Variants in LUZP2 observed in about 807,000 individuals in gnomAD.
The protein encoded by LUZP2 is leucine zipper protein 2.
Under a neutral mutation model 51.6 loss-of-function variants are expected in LUZP2, and 52 were observed. The ratio of observed to expected loss-of-function variants is 1.01; its 90% CI spans 0.81 to 1.27. LUZP2 has a LOEUF of 1.27. LUZP2 is among the 50% of genes most tolerant of loss of function. The probability of loss-of-function intolerance (pLI) is 0.00; values close to 1 mark genes in which losing one functional copy is unlikely to be tolerated. For missense variants in LUZP2, 436 were observed against 395.4 expected (o/e 1.10, Z -0.87); for synonymous variants, 154 against 137.3 (o/e 1.12, Z -0.85).
intron 5 of LUZP2, chr11:24,786,184 G>A (rs1849240148): frequency 2.1e-6 from 2 of 970,636 alleles, no homozygotes; most frequent in Non-Finnish European, 2.4e-6. Flanking sequence ...AAACCAAGAA[G>A]CATATTATAT....
At chr11:25,014,309 C>T (rs2133962960) in intron 9 of LUZP2, among the ~76,000 whole-genome samples, 1 of 152,240 alleles carries the variant, frequency 6.6e-6, no homozygotes, top group East Asian at 1.9e-4. Context: ...GTTCTAGATC[C>T]CTGAGGAATC....
intron 1 of LUZP2, among the ~76,000 whole-genome samples, chr11:24,685,069 T>G (rs1019692331): frequency 7.3e-5 from 11 of 151,594 alleles, no homozygotes; most frequent in African/African-American, 2.4e-4. Flanking sequence ...GTTTTCCATA[T>G]CTATCCAAGT....
At chr11:24,945,636 C>T (rs1854877913) in intron 7 of LUZP2, among the ~76,000 whole-genome samples, 1 of 151,758 alleles carries the variant, frequency 6.6e-6, no homozygotes, top group African/African-American at 2.4e-5. Flanking sequence ...CTATGAACAA[C>T]CTCTATCTAT....
At chr11:24,550,199 T>C (rs1015268113) in intron 1 of LUZP2, among the ~76,000 whole-genome samples, 1 of 152,082 alleles carries the variant, frequency 6.6e-6, no homozygotes, top group South Asian at 2.1e-4. Context: ...TTGCTATAAA[T>C]GTCAGTGTGT....
chr11:24,654,683 C>G (rs898348235), intron 1 of LUZP2, among the ~76,000 whole-genome samples: 18 of 139,876 alleles, frequency 1.3e-4, no homozygotes, highest in Middle Eastern at 4.2e-3. Flanking sequence ...CACCACGAGG[C>G]CTGGCTAATT....
At chr11:24,631,467 T>A (rs563898311) in intron 1 of LUZP2, among the ~76,000 whole-genome samples, 1 of 151,890 alleles carries the variant, frequency 6.6e-6, no homozygotes, top group South Asian at 2.1e-4. Context: ...TCTGTGCCTA[T>A]AGAGAGATCA....
chr11:25,073,535 A>G (rs1416605483), intron 10 of LUZP2, among the ~76,000 whole-genome samples: 8 of 148,264 alleles, frequency 5.4e-5, no homozygotes, highest in Non-Finnish European at 8.9e-5. Flanking sequence ...AGCCTAATAC[A>G]GGAAAGCTTA....
intron 5 of LUZP2, among the ~76,000 whole-genome samples, chr11:24,830,011 T>C (rs886696702): frequency 1.3e-5 from 2 of 152,168 alleles, no homozygotes; most frequent in African/African-American, 4.8e-5. Flanking sequence ...TTTAAAGACT[T>C]AGTGAAATAG....
intron 5 of LUZP2, among the ~76,000 whole-genome samples, chr11:24,793,656 C>A (rs1849466691): frequency 6.6e-6 from 1 of 152,120 alleles, no homozygotes. Flanking sequence ...GCTTGTTAGT[C>A]ATGAGGGAAA....
intron 1 of LUZP2, among the ~76,000 whole-genome samples, chr11:24,625,092 G>A (rs760386691): frequency 4.2e-4 from 64 of 151,982 alleles, no homozygotes; most frequent in Admixed American, 1.3e-3. Flanking sequence ...GATGCAGAAA[G>A]ACAAATACTG....
chr11:24,879,269 T>C (rs1311790156), intron 5 of LUZP2, among the ~76,000 whole-genome samples: 2 of 152,182 alleles, frequency 1.3e-5, no homozygotes, highest in Non-Finnish European at 2.9e-5. Flanking sequence ...TATTGCTGTG[T>C]AGTATTCCAT....
At chr11:24,522,494 CAGTT>C (rs1259481406) in intron 1 of LUZP2, among the ~76,000 whole-genome samples, 4 of 152,094 alleles carry the variant, frequency 2.6e-5, no homozygotes, top group Non-Finnish European at 5.9e-5. Flanking sequence ...AGAGGCTTCT[CAGTT>C]AGTCTGAAAG....
chr11:24,811,778 G>T (rs1205195888), intron 5 of LUZP2, among the ~76,000 whole-genome samples: 1 of 151,998 alleles, frequency 6.6e-6, no homozygotes, highest in Non-Finnish European at 1.5e-5. Context: ...GATTAGATAA[G>T]GTATCACGTC....
At chr11:24,828,178 A>G (rs1388740392) in intron 5 of LUZP2, among the ~76,000 whole-genome samples, 1 of 152,140 alleles carries the variant, frequency 6.6e-6, no homozygotes, top group African/African-American at 2.4e-5. Context: ...AAAGGATAAA[A>G]CTTACCAAAA....
At chr11:25,042,522 T>A (rs915777403) in intron 9 of LUZP2, among the ~76,000 whole-genome samples, 3 of 152,212 alleles carry the variant, frequency 2.0e-5, no homozygotes, top group Admixed American at 2.0e-4. Flanking sequence ...TAGTACATTA[T>A]AAATTACTGG....
intron 5 of LUZP2, among the ~76,000 whole-genome samples, chr11:24,880,300 G>A (rs1270625281): frequency 2.0e-5 from 3 of 152,074 alleles, no homozygotes; most frequent in African/African-American, 4.8e-5. Context: ...CTCTCTCCAC[G>A]CCATGAGGCT....
At chr11:24,723,385 C>A (rs557670002) in intron 1 of LUZP2, among the ~76,000 whole-genome samples, 1 of 152,156 alleles carries the variant, frequency 6.6e-6, no homozygotes, top group Non-Finnish European at 1.5e-5. Context: ...CCAGCATAAA[C>A]GTGTTTATAT....
chr11:24,903,651 T>C (rs1347101616), intron 5 of LUZP2, among the ~76,000 whole-genome samples: 1 of 152,202 alleles, frequency 6.6e-6, no homozygotes. Context: ...AGAGTCAGTA[T>C]GATGTCTGAA....
rs971485373 is a variant in LUZP2, at chr11:25,079,989, A to G, written c.*1331A>G. ...ATGGCATACCTCTGATCAAAATGGC[A>G]TATTTAAAGAAATTTAAAGATTTGG... On this transcript the variant is annotated 3_prime_UTR_variant, in exon 12 of 12. Coordinates refer to ENST00000336930, the MANE Select transcript of LUZP2 (RefSeq NM_001009909.4). The G allele has an allele frequency of 2.0e-5, 3 of 152,204 alleles. No homozygotes were observed. The highest frequency in any genetic ancestry group is 7.2e-5 in the African/African-American group (3 of 41,462). 9.4% of individuals were successfully genotyped at this position (152,204 alleles called of 1,614,324 possible).
Sources: allele counts gnomAD v4.1 joint callset (sites outside exome capture counted in the v4.1 genomes callset), GRCh38; gene constraint gnomAD v4.1.1; transcripts MANE v1.5; gene names NCBI Gene and HGNC (gene_info 2026-07-23, HGNC 2026-07-21).